The following CD40 variants were observed in gnomAD, a reference collection of about 807,000 sequenced individuals.
The protein encoded by CD40 is CD40 molecule.
Under a neutral mutation model 38.5 loss-of-function variants are expected in CD40, and 19 were observed. The observed-to-expected ratio is 0.49, with a 90% confidence interval of 0.34 to 0.72. CD40 has a LOEUF of 0.72. Among genes scored for constraint, CD40 ranks in the 30% least tolerant of loss-of-function variants. The probability of loss-of-function intolerance (pLI) is 0.01; values close to 1 mark genes in which losing one functional copy is unlikely to be tolerated. For missense variants in CD40, 256 were observed against 344.1 expected, an observed-to-expected ratio of 0.74 and a Z score of 2.03; for synonymous variants, 130 against 128.7, an observed-to-expected ratio of 1.01 and a Z score of -0.07.
At chr20:46,123,792 G>T (rs189312463) in intron 5 of CD40, among the ~76,000 whole-genome samples, 2 of 152,248 alleles carry the variant, frequency 1.3e-5, no homozygotes, top group East Asian at 3.9e-4. Context: ...TTGCCAACAT[G>T]AGCGTTCGAC....
intron 8 of CD40, 84 bp from the exon 9 acceptor site, chr20:46,128,798 A>G: frequency 6.9e-7 from 1 of 1,445,038 alleles, no homozygotes; most frequent in South Asian, 1.2e-5. Context: ...GGGCTTGGGG[A>G]AGGGATCCGC....
chr20:46,129,107 C>T lies in CD40; in HGVS notation c.*67C>T. The T allele has an allele frequency of 6.4e-7, 1 of 1,569,102 alleles. No individual in the cohort carries two copies. Among genetic ancestry groups the T allele is most frequent in the Non-Finnish European group, 8.8e-7 (1 of 1,142,152 alleles). Reference sequence around the variant, plus strand: ...CAGTTGGCCAGAGAGCCTGGTGCTGCTGCTGCTGTGGCGTGAGGGTGAGGG... The same window carrying T: ...CAGTTGGCCAGAGAGCCTGGTGCTGTTGCTGCTGTGGCGTGAGGGTGAGGG... On this transcript the variant is annotated 3_prime_UTR_variant, in exon 9 of 9. Transcript: ENST00000372285.
intron 1 of CD40, among the ~76,000 whole-genome samples, chr20:46,119,968 A>G (rs1311228025): frequency 6.6e-6 from 1 of 152,118 alleles, no homozygotes. Context: ...GGTATCAAGG[A>G]CTTTCCTATC....
At chr20:46,127,912 A>G (rs2085468719) in intron 6 of CD40, 1 of 770,994 alleles carries the variant, frequency 1.3e-6, no homozygotes, top group East Asian at 2.8e-5. Flanking sequence ...TGAATATGTG[A>G]TCTCCCAGTT....
At position 46,122,116 on chromosome 20, in the gene CD40, G is replaced by A. The variant is rs2085330188; in HGVS notation, c.131-117G>A. 1.2e-5 allele frequency: 16 copies of A among 1,348,566 alleles called. No individual in the cohort carries two copies. In the South Asian group the frequency reaches 1.9e-4, roughly 16 times the overall value. 83.5% of individuals were successfully genotyped at this position (1,348,566 alleles called of 1,614,324 possible). A position where few individuals can be genotyped will look rare whatever the true frequency, so the allele number is the denominator to read the frequency against. On this transcript the variant is annotated intron_variant, in intron 2 of 8. Transcript: ENST00000372285. This position sits in a 1 kb window ranked among gnomAD's most constrained non-coding sequence, Gnocchi z 5.0. ...CCATCTTCCTCGCCTGATTATGAAG[G>A]ATCCAAGACTTTCATCTTTGAATCC...
At position 46,122,999 on chromosome 20, in the gene CD40, G is replaced by A; in HGVS notation, c.404-127G>A. ...CTGGGGACTGCAGCTGTCGGGGGCA[G>A]TACCACATCGGGGGAAGAGTGCTCA... On this transcript the variant is annotated intron_variant, in intron 4 of 8. Coordinates refer to ENST00000372285, the MANE Select transcript of CD40 (RefSeq NM_001250.6). The surrounding 1 kb of genome is among the most constrained non-coding windows in gnomAD (Gnocchi z 5.0). The A allele has an allele frequency of 1.1e-6, 1 of 907,280 alleles. No individual in the cohort carries two copies. Among genetic ancestry groups the A allele is most frequent in the Non-Finnish European group, 1.8e-6 (1 of 551,192 alleles). 56.2% of individuals were successfully genotyped at this position (907,280 alleles called of 1,614,324 possible).
Position 46,122,295 on chromosome 20 carries a change from A to C in CD40, c.193A>C (p.Ser65Arg). Residue 65 changes from serine to arginine, a missense_variant, in exon 3 of 9, where the codon AGC (serine) becomes CGC (arginine). Transcript: ENST00000372285. The surrounding 1 kb of genome is among the most constrained non-coding windows in gnomAD (Gnocchi z 5.0). ...TETECLPCGE[S>R]EFLDTWNRET... ...AACGGAATGCCTTCCTTGCGGTGAAAGCGAATTCCTAGACACCTGGAACAG... is the reference window on the plus strand; with the variant it reads ...AACGGAATGCCTTCCTTGCGGTGAACGCGAATTCCTAGACACCTGGAACAG... The C allele has an allele frequency of 6.2e-7, 1 of 1,614,184 alleles. No homozygotes were observed. Among genetic ancestry groups the C allele is most frequent in the South Asian group, 1.1e-5 (1 of 91,088 alleles).
At position 46,118,431 on chromosome 20, in the gene CD40, A is replaced by G. The variant is rs200873305; in HGVS notation, c.51+37A>G. Reference sequence around the variant, plus strand: ...TTGCCCCGACCAGACGGGAGTTGGGAGTGGGGAATGAGAAGGAAAGGGAAG... The same window carrying G: ...TTGCCCCGACCAGACGGGAGTTGGGGGTGGGGAATGAGAAGGAAAGGGAAG... On this transcript the variant is annotated intron_variant, in intron 1 of 8. Coordinates refer to ENST00000372285, the MANE Select transcript of CD40 (RefSeq NM_001250.6). 20 of 1,387,010 alleles carry G rather than the reference A, an allele frequency of 1.4e-5. No individual in the cohort carries two copies. In the East Asian group the frequency reaches 7.8e-4, roughly 54 times the overall value. The allele number at this position is 1,387,010 out of a possible 1,614,324, so 85.9% of individuals were successfully genotyped here.
At chr20:46,120,492 A>G (rs533521388) in intron 1 of CD40, among the ~76,000 whole-genome samples, 27 of 152,374 alleles carry the variant, frequency 1.8e-4, no homozygotes, top group African/African-American at 5.5e-4. Flanking sequence ...AGAATTAAAC[A>G]TACACTTACT....
At chr20:46,125,084 A>C (rs1039861369) in intron 5 of CD40, among the ~76,000 whole-genome samples, 16 of 151,602 alleles carry the variant, frequency 1.1e-4, no homozygotes, top group African/African-American at 3.9e-4. Context: ...GTATAGTATT[A>C]ATGGAATCAG....
chr20:46,128,165 T>C lies in CD40; in HGVS notation c.587T>C (p.Val196Ala). ...CGPQDRLRAL[V>A]VIPIIFGILF... ...CCCCAGGATCGGCTGAGAGCCCTGG[T>C]GGTGATCCCCATCATCTTCGGGATC... Residue 196 changes from valine to alanine, a missense_variant, in exon 7 of 9, where the codon GTG becomes GCG. By Grantham distance (64) the Val-to-Ala change is moderately conservative. Transcript: ENST00000372285. 6.2e-7 allele frequency: 1 copy of C among 1,613,748 alleles called. No homozygotes were observed. The highest frequency in any genetic ancestry group is 8.5e-7 in the Non-Finnish European group (1 of 1,179,940).
At chr20:46,128,479 A>G in intron 8 of CD40, 121 bp downstream of exon 8, 1 of 1,103,760 alleles carries the variant, frequency 9.1e-7, no homozygotes, top group Non-Finnish European at 1.4e-6. Context: ...GGGTGGCAGC[A>G]GAATTGGGGA....
chr20:46,122,112 G>T lies in CD40; in HGVS notation c.131-121G>T. 1 of 1,330,040 alleles carries T rather than the reference G, an allele frequency of 7.5e-7. No homozygotes were observed. Among genetic ancestry groups the T allele is most frequent in the Non-Finnish European group, 1.1e-6 (1 of 927,524 alleles). The allele number at this position is 1,330,040 out of a possible 1,614,324, so 82.4% of individuals were successfully genotyped here. A position where few individuals can be genotyped will look rare whatever the true frequency, so the allele number is the denominator to read the frequency against. On this transcript the variant is annotated intron_variant, in intron 2 of 8. Transcript: ENST00000372285. This position sits in a 1 kb window ranked among gnomAD's most constrained non-coding sequence, Gnocchi z 5.0. ...TTCTCCATCTTCCTCGCCTGATTAT[G>T]AAGGATCCAAGACTTTCATCTTTGA...
At position 46,122,394 on chromosome 20, in the gene CD40, C is replaced by A; in HGVS notation, c.256+36C>A. On this transcript the variant is annotated intron_variant, in intron 3 of 8. Transcript: ENST00000372285. The surrounding 1 kb of genome is among the most constrained non-coding windows in gnomAD (Gnocchi z 5.0). ...TGTTGGGAAAGGGACGCTTGGGAACCGGGCTGATATTCCCGACAATGCAGC... is the reference window on the plus strand; with the variant it reads ...TGTTGGGAAAGGGACGCTTGGGAACAGGGCTGATATTCCCGACAATGCAGC... The A allele has an allele frequency of 4.3e-6, 7 of 1,613,718 alleles. No individual in the cohort carries two copies. Among genetic ancestry groups the A allele is most frequent in the Non-Finnish European group, 5.9e-6 (7 of 1,179,912 alleles).
In CD40 at chr20:46,122,573, C is replaced by G. The variant is rs1369156914; in HGVS notation, c.257-37C>G. ...GAGTGAGGCTCAGAGCATGGCCCAG[C>G]AGGGGGTTCCCATCCTTCCTGCCCT... On this transcript the variant is annotated intron_variant, in intron 3 of 8. Coordinates refer to ENST00000372285, the MANE Select transcript of CD40 (RefSeq NM_001250.6). This position sits in a 1 kb window ranked among gnomAD's most constrained non-coding sequence, Gnocchi z 5.0. 6.2e-7 allele frequency: 1 copy of G among 1,613,898 alleles called. No homozygotes were observed. The highest frequency in any genetic ancestry group is 2.2e-5 in the East Asian group (1 of 44,872).
intron 5 of CD40, among the ~76,000 whole-genome samples, chr20:46,124,751 GTTTTTTTTTTTTTTTT>G (rs780015926): frequency 1.6e-4 from 12 of 73,962 alleles, no homozygotes; most frequent in South Asian, 5.7e-4. Flanking sequence ...CACTGGTATA[GTTTTTTTTTTTTTTTT>G]TTTTTTTTTT....
chr20:46,123,563 G>C (rs2085360513), intron 5 of CD40, among the ~76,000 whole-genome samples: 1 of 152,074 alleles, frequency 6.6e-6, no homozygotes, highest in Non-Finnish European at 1.5e-5. Context: ...AGGGCTTTCT[G>C]GGCTCTGGGT....
At position 46,122,851 on chromosome 20, in the gene CD40, C is replaced by T; in HGVS notation, c.403+95C>T. On this transcript the variant is annotated intron_variant, in intron 4 of 8. Coordinates refer to ENST00000372285, the MANE Select transcript of CD40 (RefSeq NM_001250.6). The surrounding 1 kb of genome is among the most constrained non-coding windows in gnomAD (Gnocchi z 5.0). ...GGCAGTGGGCACTTAGCCCCAGAGG[C>T]AGAGGAAGCAGAGGCTCCAACCTAT... is the stretch of plus-strand genomic sequence containing the variant. The T allele has an allele frequency of 1.4e-6, 2 of 1,464,296 alleles. No homozygotes were observed. The highest frequency in any genetic ancestry group is 2.4e-5 in the South Asian group (2 of 81,858). 90.7% of individuals were successfully genotyped at this position (1,464,296 alleles called of 1,614,324 possible).
At chr20:46,125,138 C>T (rs2085407503) in intron 5 of CD40, among the ~76,000 whole-genome samples, 1 of 151,876 alleles carries the variant, frequency 6.6e-6, no homozygotes, top group Non-Finnish European at 1.5e-5. Context: ...AAGTGTGTGA[C>T]CCTCACTGAG....
Sources: gnomAD v4.1 joint callset for allele counts (sites outside exome capture counted in the v4.1 genomes callset) on GRCh38, gnomAD v4.1.1 for gene constraint, Gnocchi (gnomAD v3.1) non-coding constraint, MANE v1.5 for transcripts, NCBI Gene and HGNC (gene_info 2026-07-23, HGNC 2026-07-21) for gene names.